The following PLCG2 variants were observed in gnomAD, a reference collection of about 807,000 sequenced individuals.
PLCG2 encodes phospholipase C gamma 2.
PLCG2 carries 69 observed loss-of-function variants against 175.6 expected under a neutral mutation model. The observed-to-expected ratio is 0.39, with a 90% CI of 0.32 to 0.48. PLCG2 has a LOEUF of 0.48. PLCG2 is among the 20% of genes least tolerant of loss of function. The probability of loss-of-function intolerance (pLI) is 0.91; values close to 1 mark genes in which losing one functional copy is unlikely to be tolerated. For synonymous variants in PLCG2, 827 were observed against 624.0 expected (o/e 1.33, Z -4.85); for missense variants, 1,798 against 1,650.9 (o/e 1.09, Z -1.54).
chr16:81,791,250 T>A (rs918927163), intron 2 of PLCG2, among the ~76,000 whole-genome samples: 3 of 151,972 alleles, frequency 2.0e-5, no homozygotes, highest in African/African-American at 7.3e-5. Context: ...TTTTGTCCAT[T>A]TGGATGTGGG....
Position 81,961,297 on chromosome 16 carries a change from T to G in PLCG2, c.*3299T>G, listed in dbSNP as rs1051156022. On this transcript the variant is annotated 3_prime_UTR_variant, in exon 33 of 33. Transcript: ENST00000564138. ...CGGAAAATAGAATTGATGATGAACT[T>G]TGGCTCAATCTTAAGATGTTATCAA... is the stretch of plus-strand genomic sequence containing the variant. 1 of 225,714 alleles carries G rather than the reference T, an allele frequency of 4.4e-6. No homozygotes were observed. Among genetic ancestry groups the G allele is most frequent in the Non-Finnish European group, 8.8e-6 (1 of 113,452 alleles). The allele number at this position is 225,714 out of a possible 1,614,324, so 14.0% of individuals were successfully genotyped here. A position where few individuals can be genotyped will look rare whatever the true frequency, so the allele number is the denominator to read the frequency against.
intron 19 of PLCG2, among the ~76,000 whole-genome samples, chr16:81,913,339 C>G (rs1160293939): frequency 1.3e-5 from 2 of 152,232 alleles, no homozygotes; most frequent in African/African-American, 2.4e-5. Flanking sequence ...TAACCGTGTT[C>G]TAGACACTGG....
chr16:81,741,734 C>G (rs1909598793), intron 1 of PLCG2, among the ~76,000 whole-genome samples: 1 of 152,086 alleles, frequency 6.6e-6, no homozygotes, highest in Non-Finnish European at 1.5e-5. Context: ...TCGCTTGAAC[C>G]CGGGAGGCAG....
intron 21 of PLCG2, among the ~76,000 whole-genome samples, chr16:81,922,983 T>C (rs1910118817): frequency 6.6e-6 from 1 of 151,766 alleles, no homozygotes; most frequent in South Asian, 2.1e-4. Context: ...GATAGGGGAC[T>C]GCTGACCTAC....
intron 2 of PLCG2, among the ~76,000 whole-genome samples, chr16:81,829,506 C>T (rs1446963158): frequency 6.6e-6 from 1 of 152,232 alleles, no homozygotes; most frequent in African/African-American, 2.4e-5. Context: ...GTGTGAGCCA[C>T]CACACCCGGC....
chr16:81,948,985 C>A (rs779466808), intron 31 of PLCG2, among the ~76,000 whole-genome samples: 6 of 152,250 alleles, frequency 3.9e-5, no homozygotes, highest in Non-Finnish European at 7.4e-5. Context: ...AAGGAGAGCA[C>A]TGGAGAAAGC....
At chr16:81,764,690 C>G (rs1238692814) in intron 2 of PLCG2, among the ~76,000 whole-genome samples, 1 of 152,154 alleles carries the variant, frequency 6.6e-6, no homozygotes, top group Non-Finnish European at 1.5e-5. Flanking sequence ...ACAGTGTCCC[C>G]CAAATTTATG....
chr16:81,942,786 C>T (rs192685844), intron 30 of PLCG2, among the ~76,000 whole-genome samples: 90 of 152,228 alleles, frequency 5.9e-4, no homozygotes, highest in African/African-American at 2.0e-3. Flanking sequence ...AATTTCGAAC[C>T]CCGTGTTCCT....
chr16:81,797,646 C>G (rs13380701), intron 2 of PLCG2, among the ~76,000 whole-genome samples: 5 of 152,334 alleles, frequency 3.3e-5, no homozygotes, highest in African/African-American at 1.2e-4. Flanking sequence ...CCTGGCTGCC[C>G]CTTTCAGCCT....
intron 10 of PLCG2, among the ~76,000 whole-genome samples, chr16:81,890,950 G>C (rs1467375705): frequency 6.6e-6 from 1 of 152,170 alleles, no homozygotes; most frequent in Non-Finnish European, 1.5e-5. Context: ...ATCGCTTGAG[G>C]TTAGGAGTTT....
intron 10 of PLCG2, among the ~76,000 whole-genome samples, chr16:81,891,245 A>G (rs1450916353): frequency 6.6e-6 from 1 of 152,200 alleles, no homozygotes; most frequent in Non-Finnish European, 1.5e-5. Flanking sequence ...TAGGATAAAC[A>G]TTACAAAGGA....
intron 28 of PLCG2, 148 bp from the exon 29 acceptor site, chr16:81,938,653 A>C: frequency 1.6e-6 from 1 of 606,782 alleles, no homozygotes; most frequent in Non-Finnish European, 2.9e-6. Context: ...CCACTGCAGA[A>C]GGTTGCTCCG....
chr16:81,930,830 A>ATATGC (rs1419934779), intron 24 of PLCG2, among the ~76,000 whole-genome samples: 6 of 152,136 alleles, frequency 3.9e-5, no homozygotes, highest in African/African-American at 1.2e-4. Context: ...ATTATGCACA[A>ATATGC]TATGCTAAGT....
chr16:81,779,656 C>A lies in PLCG2; in HGVS notation c.-48+232C>A, dbSNP rs141724460. Among the ~76,000 whole-genome samples the A allele has an allele frequency of 7.2e-3, 1,095 of 152,172 alleles. 11 individuals carry two copies. The highest frequency in any genetic ancestry group is 0.025 in the African/African-American group (1,019 of 41,552). ...ACTTCCTCACCCCGGGCCGGCGCCACCTCTCCGGTCCGTGCGGTGGGGCGG... is the reference window on the plus strand; with the variant it reads ...ACTTCCTCACCCCGGGCCGGCGCCAACTCTCCGGTCCGTGCGGTGGGGCGG... On this transcript the variant is annotated intron_variant, in intron 1 of 32. Transcript: ENST00000564138.
In PLCG2 at chr16:81,907,788, C is replaced by T. The variant is rs372814853; in HGVS notation, c.1557+14C>T. The T allele has an allele frequency of 6.2e-6, 10 of 1,600,284 alleles. No homozygotes were observed. Among genetic ancestry groups the T allele is most frequent in the Non-Finnish European group, 8.6e-6 (10 of 1,168,794 alleles). ...GAAGTGCCCCAGGTAGGGGGACACC[C>T]TAGCCACATAGGGAGGAGGTCCCCA... is the stretch of plus-strand genomic sequence containing the variant. On this transcript the variant is annotated intron_variant, in intron 16 of 32. Coordinates refer to ENST00000564138, the MANE Select transcript of PLCG2 (RefSeq NM_002661.5).
chr16:81,953,803 C>G (rs1911460337), intron 31 of PLCG2, among the ~76,000 whole-genome samples: 2 of 152,054 alleles, frequency 1.3e-5, no homozygotes, highest in African/African-American at 4.8e-5. Flanking sequence ...GTACCCAGGA[C>G]TACAGTATGT....
chr16:81,833,743 G>A (rs907953372), intron 2 of PLCG2, among the ~76,000 whole-genome samples: 1 of 151,982 alleles, frequency 6.6e-6, no homozygotes, highest in Non-Finnish European at 1.5e-5. Flanking sequence ...CAGCCAAGGT[G>A]AGGGTGTTGC....
At chr16:81,905,188 G>A (rs1251634032) in intron 14 of PLCG2, among the ~76,000 whole-genome samples, 1 of 152,196 alleles carries the variant, frequency 6.6e-6, no homozygotes, top group Non-Finnish European at 1.5e-5. Context: ...CGCCTGACCA[G>A]TATGGGCAAT....
At chr16:81,823,728 C>G (rs1465928851) in intron 2 of PLCG2, among the ~76,000 whole-genome samples, 3 of 150,896 alleles carry the variant, frequency 2.0e-5, no homozygotes, top group African/African-American at 4.9e-5. Context: ...CAGGGTCTCT[C>G]TATGTTGCCC....
Sources: gnomAD v4.1 joint callset for allele counts (sites outside exome capture counted in the v4.1 genomes callset) on GRCh38, gnomAD v4.1.1 for gene constraint, MANE v1.5 for transcripts, NCBI Gene and HGNC (gene_info 2026-07-23, HGNC 2026-07-21) for gene names.